The following PPP3CB variants were observed in gnomAD, a reference collection of about 807,000 sequenced individuals.
PPP3CB encodes serine/threonine-protein phosphatase 2B catalytic subunit beta isoform.
PPP3CB carries 8 observed loss-of-function variants against 66.4 expected under a neutral mutation model. The ratio of observed to expected loss-of-function variants is 0.12; its 90% CI spans 0.07 to 0.22. PPP3CB has a LOEUF of 0.22. Ranked by LOEUF, PPP3CB falls within the 10% of genes least tolerant of loss-of-function variation. The pLI is 1.00. For synonymous variants in PPP3CB, 208 were observed against 221.2 expected, an observed-to-expected ratio of 0.94 and a Z score of 0.53; for missense variants, 319 against 642.5, an observed-to-expected ratio of 0.50 and a Z score of 5.44.
chr10:73,491,743 G>T (rs1022649834), intron 1 of PPP3CB, among the ~76,000 whole-genome samples: 1 of 151,986 alleles, frequency 6.6e-6, no homozygotes, highest in African/African-American at 2.4e-5. Flanking sequence ...CAGGGTGGGT[G>T]GATCACCTGA....
chr10:73,440,249 A>G (rs1413970273), intron 12 of PPP3CB, among the ~76,000 whole-genome samples: 1 of 152,222 alleles, frequency 6.6e-6, no homozygotes, highest in South Asian at 2.1e-4. Context: ...TATGTTTATT[A>G]TATCACATCC....
chr10:73,446,484 A>G lies in PPP3CB; in HGVS notation c.1268+8T>C. On this transcript the variant is annotated splice_region_variant and intron_variant, in intron 11 of 13. Coordinates refer to ENST00000360663, the MANE Select transcript of PPP3CB (RefSeq NM_021132.4). ...GCAAAACAAATAATCAAGAAAATAT[A>G]TCATTACCTGAGAACAGAGAAGACT... is the stretch of plus-strand genomic sequence containing the variant. The G allele has an allele frequency of 1.9e-6, 3 of 1,599,764 alleles. No individual in the cohort carries two copies. Among genetic ancestry groups the G allele is most frequent in the Non-Finnish European group, 2.6e-6 (3 of 1,167,100 alleles).
rs769033884 is a variant in PPP3CB at position 73,495,805 on chromosome 10, C to T, written c.85G>A (p.Ala29Thr). The T allele has an allele frequency of 6.5e-7, 1 of 1,539,166 alleles. No homozygotes were observed. The highest frequency in any genetic ancestry group is 8.8e-7 in the Non-Finnish European group (1 of 1,139,272). Residue 29 changes from alanine to threonine, a missense_variant and splice_region_variant, in exon 1 of 14, where the codon GCT becomes ACT. Ala to Thr is a moderately conservative substitution (Grantham distance 58, BLOSUM62 0). Around this residue, in one of 5 missense-constraint regions of PPP3CB, gnomAD observed 104 missense variants for 128.4 expected, o/e 0.81. Transcript: ENST00000360663. ...CCCCAGGGTTTCGTCCACCTCTCACCTTTGACGACGCGGTCAGCCCCGGGA... is the reference window on the plus strand; with the variant it reads ...CCCCAGGGTTTCGTCCACCTCTCACTTTTGACGACGCGGTCAGCCCCGGGA... ...PPPGADRVVK[A>T]VPFPPTHRLT...
At chr10:73,477,986 G>A (rs1195879185) in intron 3 of PPP3CB, among the ~76,000 whole-genome samples, 2 of 152,018 alleles carry the variant, frequency 1.3e-5, no homozygotes, top group Non-Finnish European at 2.9e-5. Context: ...TAATCAAAAG[G>A]TCATTTTAAT....
At chr10:73,484,664 C>T (rs1236272485) in intron 1 of PPP3CB, among the ~76,000 whole-genome samples, 3 of 151,590 alleles carry the variant, frequency 2.0e-5, no homozygotes, top group Non-Finnish European at 4.4e-5. Context: ...TCTATATTTG[C>T]GACAGGGAAA....
intron 1 of PPP3CB, among the ~76,000 whole-genome samples, chr10:73,482,332 C>T (rs1415822333): frequency 6.6e-6 from 1 of 151,604 alleles, no homozygotes; most frequent in Non-Finnish European, 1.5e-5. Flanking sequence ...ATCATGAGGT[C>T]AAGATTTTAA....
At chr10:73,456,643 G>A (rs539531286) in intron 9 of PPP3CB, among the ~76,000 whole-genome samples, 18 of 152,196 alleles carry the variant, frequency 1.2e-4, no homozygotes, top group African/African-American at 3.6e-4. Flanking sequence ...GGTCACATGC[G>A]AAAGAATAAA....
intron 4 of PPP3CB, 109 bp from the exon 5 acceptor site, chr10:73,471,722 C>T (rs1226514174): frequency 1.2e-6 from 1 of 802,778 alleles, no homozygotes; most frequent in Non-Finnish European, 1.9e-6. Context: ...TCCTTTATAT[C>T]TTATAGCTAT....
chr10:73,449,431 G>A (rs1207052061), intron 10 of PPP3CB, among the ~76,000 whole-genome samples: 1 of 152,322 alleles, frequency 6.6e-6, no homozygotes, highest in South Asian at 2.1e-4. Flanking sequence ...TCTAAGAGTA[G>A]GCAGCTGGGG....
intron 1 of PPP3CB, among the ~76,000 whole-genome samples, chr10:73,482,955 T>C (rs2056906828): frequency 6.6e-6 from 1 of 152,026 alleles, no homozygotes; most frequent in African/African-American, 2.4e-5. Flanking sequence ...ACAACATAAT[T>C]CCACTAATTG....
At chr10:73,493,154 T>C (rs1162820506) in intron 1 of PPP3CB, among the ~76,000 whole-genome samples, 1 of 151,682 alleles carries the variant, frequency 6.6e-6, no homozygotes, top group Non-Finnish European at 1.5e-5. Context: ...CGCGCACCTA[T>C]AATCCCAGCT....
rs373651384 is a variant in PPP3CB, at chr10:73,443,234, CAGAG to C, written c.1366+1487_1366+1490del. On this transcript the variant is annotated intron_variant, in intron 12 of 13. Coordinates refer to ENST00000360663, the MANE Select transcript of PPP3CB (RefSeq NM_021132.4). ...ACACATGCACACAAAAAAAGAAAGA[CAGAG>C]AGAGAGAGAGAAAGAGAGAGAGAGA... 6.6e-3 allele frequency among the ~76,000 whole-genome samples: 667 copies of C among 101,122 alleles called. 5 individuals are homozygous for C. The highest frequency in any genetic ancestry group is 0.023 in the African/African-American group (622 of 26,488). 66.3% of individuals were successfully genotyped at this position (101,122 alleles called of 152,430 possible).
chr10:73,485,199 A>T (rs2056951757), intron 1 of PPP3CB, among the ~76,000 whole-genome samples: 1 of 152,218 alleles, frequency 6.6e-6, no homozygotes, highest in East Asian at 1.9e-4. Flanking sequence ...ATCTCTATAT[A>T]GTAACCAATA....
intron 1 of PPP3CB, among the ~76,000 whole-genome samples, chr10:73,493,735 T>C (rs1412213915): frequency 6.6e-6 from 1 of 152,178 alleles, no homozygotes; most frequent in Non-Finnish European, 1.5e-5. Flanking sequence ...GCACCAGAAA[T>C]ATGATAACCA....
chr10:73,462,146 T>C (rs2056532830), intron 9 of PPP3CB, among the ~76,000 whole-genome samples: 1 of 126,668 alleles, frequency 7.9e-6, no homozygotes, highest in South Asian at 2.6e-4. Flanking sequence ...CCTTCTTTTT[T>C]TTTTTTTTTT....
At chr10:73,449,018 G>A (rs1482203987) in intron 10 of PPP3CB, among the ~76,000 whole-genome samples, 1 of 152,110 alleles carries the variant, frequency 6.6e-6, no homozygotes, top group Non-Finnish European at 1.5e-5. Flanking sequence ...ACATAAGACT[G>A]AAAAAAGACT....
chr10:73,466,905 T>C (rs891660621), intron 9 of PPP3CB: 2 of 152,138 alleles, frequency 1.3e-5, no homozygotes, highest in African/African-American at 2.4e-5. Context: ...AAGAACATGA[T>C]AGGTAACAAA....
intron 10 of PPP3CB, chr10:73,448,672 T>A (rs778202650): frequency 5.6e-6 from 3 of 533,316 alleles, no homozygotes; most frequent in Non-Finnish European, 1.2e-5. Flanking sequence ...ACCTTTTTTA[T>A]TGCCATATAT....
chr10:73,479,134 G>T (rs1429397658), intron 2 of PPP3CB, among the ~76,000 whole-genome samples, 183 bp downstream of exon 2: 1 of 152,130 alleles, frequency 6.6e-6, no homozygotes, highest in Admixed American at 6.5e-5. Context: ...AGATTATTTA[G>T]AATCATGTCT....
Sources: allele counts gnomAD v4.1 joint callset (sites outside exome capture counted in the v4.1 genomes callset), GRCh38; gene constraint gnomAD v4.1.1; regional missense constraint gnomAD v4.1.1; transcripts MANE v1.5; gene names NCBI Gene and HGNC (gene_info 2026-07-23, HGNC 2026-07-21).